The following CPB2 variants were observed in gnomAD, a reference collection of about 807,000 sequenced individuals.
The protein encoded by CPB2 is carboxypeptidase B2, also known as carboxypeptidase B-like protein.
In CPB2, 54 loss-of-function variants were observed where a neutral mutation model predicts 57.0. That is an observed-to-expected ratio of 0.95 (90% CI 0.76 to 1.19). CPB2 has a LOEUF of 1.19. CPB2 is among the 50% of genes most tolerant of loss of function. CPB2 has a pLI of 0.00. For synonymous variants in CPB2, 189 were observed against 178.1 expected (o/e 1.06, Z -0.49); for missense variants, 426 against 512.0 (o/e 0.83, Z 1.62).
intron 1 of CPB2, among the ~76,000 whole-genome samples, chr13:46,095,938 A>G (rs919857410): frequency 6.2e-5 from 9 of 144,668 alleles, no homozygotes; most frequent in South Asian, 2.2e-4. Flanking sequence ...CTGGAGTGCA[A>G]TGGAGCAATC....
intron 1 of CPB2, among the ~76,000 whole-genome samples, chr13:46,092,838 A>G (rs191686039): frequency 5.3e-5 from 8 of 152,280 alleles, no homozygotes; most frequent in African/African-American, 1.7e-4. Context: ...CTTGTAGGCA[A>G]TTAGAAGTTA....
rs2044982084 is a variant in CPB2 at position 46,073,907 on chromosome 13, A to G, written c.557T>C (p.Ile186Thr). The change falls in exon 6 of 11, where the codon ATC becomes ACC. Residue 186 changes from isoleucine (I) to threonine (T), a missense_variant. Ile to Thr is a moderately conservative substitution (Grantham distance 89). Transcript: ENST00000181383. ...GAACCACAAGCAGAAAGCAGGAGAGATCCATTCTCTGGCATGGATTCCACA... is the reference window on the plus strand; with the variant it reads ...GAACCACAAGCAGAAAGCAGGAGAGGTCCATTCTCTGGCATGGATTCCACA... The part of the protein sequence containing the change: ...IDCGIHAREW[I>T]SPAFCLWFIG... 1 of 1,589,374 alleles carries G rather than the reference A, an allele frequency of 6.3e-7. No individual in the cohort carries two copies. The highest frequency in any genetic ancestry group is 8.6e-7 in the Non-Finnish European group (1 of 1,160,866).
At chr13:46,065,039 G>A (rs763130445) in intron 7 of CPB2, among the ~76,000 whole-genome samples, 6 of 152,092 alleles carry the variant, frequency 3.9e-5, no homozygotes, top group Non-Finnish European at 8.8e-5. Flanking sequence ...CTGCTTATTA[G>A]CCTTCTTGTT....
intron 1 of CPB2, among the ~76,000 whole-genome samples, chr13:46,097,683 G>A (rs2045384765): frequency 6.6e-6 from 1 of 152,132 alleles, no homozygotes; most frequent in African/African-American, 2.4e-5. Flanking sequence ...GATCAATTGA[G>A]GTGCTAACTT....
intron 8 of CPB2, among the ~76,000 whole-genome samples, chr13:46,061,753 C>T (rs981344136): frequency 6.6e-6 from 1 of 152,176 alleles, no homozygotes; most frequent in African/African-American, 2.4e-5. Context: ...GACACCCCTA[C>T]AACCTACCCT....
At chr13:46,103,299 G>T (rs1208333867) in intron 1 of CPB2, among the ~76,000 whole-genome samples, 1 of 152,246 alleles carries the variant, frequency 6.6e-6, no homozygotes, top group Non-Finnish European at 1.5e-5. Context: ...AGATCTGCTA[G>T]TGGGTGAGAA....
At chr13:46,076,678 G>T (rs2045027556) in intron 5 of CPB2, among the ~76,000 whole-genome samples, 1 of 151,886 alleles carries the variant, frequency 6.6e-6, no homozygotes, top group Non-Finnish European at 1.5e-5. Flanking sequence ...CCAAAGCAAT[G>T]CTGAACAGAA....
At chr13:46,095,379 G>A (rs899231421) in intron 1 of CPB2, among the ~76,000 whole-genome samples, 2 of 151,782 alleles carry the variant, frequency 1.3e-5, no homozygotes, top group African/African-American at 2.4e-5. Context: ...CACCCTTAAA[G>A]ACCTAAAAGA....
intron 8 of CPB2, among the ~76,000 whole-genome samples, chr13:46,059,112 A>G (rs1404890534): frequency 1.3e-5 from 2 of 152,346 alleles, no homozygotes; most frequent in South Asian, 2.1e-4. Flanking sequence ...GATAACTTGA[A>G]ATCAATACTA....
chr13:46,085,530 A>G (rs1271807159), intron 2 of CPB2, among the ~76,000 whole-genome samples: 1 of 152,150 alleles, frequency 6.6e-6, no homozygotes, highest in Non-Finnish European at 1.5e-5. Flanking sequence ...TTCTTGCCAG[A>G]CTGAGACTGA....
chr13:46,104,932 TTACCTCTGAAACGCGAA>T lies in CPB2; in HGVS notation c.61_74+3del. The T allele has an allele frequency of 6.2e-7, 1 of 1,613,778 alleles. No individual in the cohort carries two copies. Among genetic ancestry groups the T allele is most frequent in the Non-Finnish European group, 8.5e-7 (1 of 1,179,810 alleles). On this transcript the variant is annotated splice_donor_variant and splice_donor_region_variant and coding_sequence_variant and intron_variant, in exon 1 of 11. Coordinates refer to ENST00000181383, the MANE Select transcript of CPB2 (RefSeq NM_001872.5). LOFTEE classifies it high-confidence loss of function. Reference sequence around the variant, plus strand: ...CACCACAGTCTAAGATTCTATTGGGTTACCTCTGAAACGCGAAGACATGCTGCTCACAGAAGAGAACA... The same window carrying T: ...CACCACAGTCTAAGATTCTATTGGGTGACATGCTGCTCACAGAAGAGAACA...
At chr13:46,083,495 G>A (rs2045151274) in intron 3 of CPB2, among the ~76,000 whole-genome samples, 1 of 152,124 alleles carries the variant, frequency 6.6e-6, no homozygotes, top group Non-Finnish European at 1.5e-5. Context: ...ATACACAGAA[G>A]AGAGCATGGT....
intron 4 of CPB2, among the ~76,000 whole-genome samples, chr13:46,080,476 C>T (rs1334187164): frequency 1.3e-5 from 2 of 152,116 alleles, no homozygotes; most frequent in Non-Finnish European, 2.9e-5. Flanking sequence ...GATGTTGTAC[C>T]CCTTTCTCCA....
At chr13:46,087,406 A>G (rs1203540840) in intron 2 of CPB2, among the ~76,000 whole-genome samples, 2 of 152,216 alleles carry the variant, frequency 1.3e-5, no homozygotes, top group African/African-American at 4.8e-5. Context: ...TAATAAATGT[A>G]CTCTGTCTTT....
At chr13:46,089,101 T>G (rs906472809) in intron 1 of CPB2, among the ~76,000 whole-genome samples, 2 of 152,148 alleles carry the variant, frequency 1.3e-5, no homozygotes, top group African/African-American at 2.4e-5. Flanking sequence ...AATTTTAAAT[T>G]CAATTGAAAA....
rs1423812090 is a variant in CPB2, at chr13:46,064,638, A to G, written c.796+10T>C. On this transcript the variant is annotated intron_variant, in intron 8 of 10. Transcript: ENST00000181383. The stretch of plus-strand genomic sequence containing the variant: ...AAGAGACATTGCAAGAAATAAAGCC[A>G]ACAACCTACCACACCAGTGTTTGGA... 6.2e-7 allele frequency: 1 copy of G among 1,611,734 alleles called. No individual in the cohort carries two copies. The highest frequency in any genetic ancestry group is 8.5e-7 in the Non-Finnish European group (1 of 1,177,814).
intron 10 of CPB2, among the ~76,000 whole-genome samples, chr13:46,055,328 CTG>C (rs1411457936): frequency 6.6e-6 from 1 of 152,172 alleles, no homozygotes; most frequent in African/African-American, 2.4e-5. Context: ...AGACAATCAA[CTG>C]TAATGTGTTA....
intron 7 of CPB2, among the ~76,000 whole-genome samples, chr13:46,065,749 C>T (rs1304665634): frequency 8.5e-5 from 13 of 152,104 alleles, no homozygotes; most frequent in Non-Finnish European, 2.9e-5. Flanking sequence ...AGCCTGTTAC[C>T]ACTCCCAGGC....
At chr13:46,095,682 C>T (rs1428626053) in intron 1 of CPB2, among the ~76,000 whole-genome samples, 2 of 152,122 alleles carry the variant, frequency 1.3e-5, no homozygotes, top group Admixed American at 6.5e-5. Context: ...TTAACTTTCT[C>T]ACTCTCCAGC....
Sources: allele counts gnomAD v4.1 joint callset (sites outside exome capture counted in the v4.1 genomes callset), GRCh38; gene constraint gnomAD v4.1.1; transcripts MANE v1.5; gene names NCBI Gene and HGNC (gene_info 2026-07-23, HGNC 2026-07-21).